SCAF11: variants seen among roughly 807,000 people sequenced by gnomAD.
The protein encoded by SCAF11 is SR-related CTD associated factor 11.
In SCAF11, 47 loss-of-function variants were observed where a neutral mutation model predicts 140.5. The ratio of observed to expected loss-of-function variants is 0.33; its 90% CI spans 0.26 to 0.43. SCAF11 has a LOEUF of 0.43. SCAF11 is among the 20% of genes least tolerant of loss of function. The pLI, the probability that SCAF11 is intolerant of heterozygous loss-of-function variation, is 1.00. For missense variants in SCAF11, 1,645 were observed against 1,705.1 expected, an observed-to-expected ratio of 0.96 and a Z score of 0.62; for synonymous variants, 557 against 579.4, an observed-to-expected ratio of 0.96 and a Z score of 0.55.
At chr12:45,961,512 C>G (rs986050646) in intron 3 of SCAF11, 188 bp downstream of exon 3, 1 of 585,384 alleles carries the variant, frequency 1.7e-6, no homozygotes, top group Admixed American at 3.3e-5. Flanking sequence ...ATATTATTTG[C>G]AAAATCAAAG....
intron 1 of SCAF11, among the ~76,000 whole-genome samples, chr12:45,966,356 C>G (rs1592211085): frequency 6.7e-6 from 1 of 150,062 alleles, no homozygotes; most frequent in African/African-American, 2.5e-5. Flanking sequence ...TTTTTTAGCT[C>G]CAAGATTTAT....
intron 1 of SCAF11, among the ~76,000 whole-genome samples, chr12:45,972,892 A>AGATATATATATATAGATATATATATC: frequency 6.7e-5 from 1 of 14,826 alleles, no homozygotes; most frequent in Admixed American, 6.9e-4. Flanking sequence ...ATATATATAT[A>AGATATATATATATAGATATATATATC]GATATATATA....
chr12:45,948,392 T>A (rs1392459297), intron 5 of SCAF11, 45 bp downstream of exon 5: 1 of 1,276,876 alleles, frequency 7.8e-7, no homozygotes, highest in Non-Finnish European at 1.1e-6. Context: ...CTAGTTAACT[T>A]CTGTTCCACT....
At chr12:45,971,899 C>T (rs1199704761) in intron 1 of SCAF11, among the ~76,000 whole-genome samples, 1 of 152,082 alleles carries the variant, frequency 6.6e-6, no homozygotes, top group African/African-American at 2.4e-5. Context: ...TTACTTGGAT[C>T]CAGACACAGT....
At chr12:45,966,329 T>C (rs1220428112) in intron 1 of SCAF11, among the ~76,000 whole-genome samples, 1 of 151,914 alleles carries the variant, frequency 6.6e-6, no homozygotes, top group Non-Finnish European at 1.5e-5. Context: ...CCCAGTGATC[T>C]TTTGTGGGAT....
chr12:45,924,112 A>T (rs2136495205), intron 12 of SCAF11, among the ~76,000 whole-genome samples: 1 of 152,332 alleles, frequency 6.6e-6, no homozygotes, highest in South Asian at 2.1e-4. Flanking sequence ...AGGTGCTGGG[A>T]TAACAGGCGT....
intron 1 of SCAF11, among the ~76,000 whole-genome samples, chr12:45,978,947 T>C (rs1383487780): frequency 6.6e-6 from 1 of 151,776 alleles, no homozygotes; most frequent in Non-Finnish European, 1.5e-5. Flanking sequence ...TTATAAAAAA[T>C]AGAAATTTCT....
chr12:45,964,191 A>G lies in SCAF11; in HGVS notation c.-21-3T>C, dbSNP rs1452509868. The stretch of plus-strand genomic sequence containing the variant: ...ATTTCTCTTTGGAAAAGGGTTTCCT[A>G]TAAGATAAATTATAATAGAGAATTT... On this transcript the variant is annotated splice_polypyrimidine_tract_variant and splice_region_variant and intron_variant, in intron 1 of 14. Coordinates refer to ENST00000369367, the MANE Select transcript of SCAF11 (RefSeq NM_004719.3). The G allele has an allele frequency of 2.2e-6, 3 of 1,341,920 alleles. No individual in the cohort carries two copies. The highest frequency in any genetic ancestry group is 3.2e-6 in the Non-Finnish European group (3 of 951,466). 83.1% of individuals were successfully genotyped at this position (1,341,920 alleles called of 1,614,324 possible). A position where few individuals can be genotyped will look rare whatever the true frequency, so the allele number is the denominator to read the frequency against.
chr12:45,963,458 A>G (rs1945870499), intron 2 of SCAF11, among the ~76,000 whole-genome samples: 2 of 142,086 alleles, frequency 1.4e-5, no homozygotes, highest in East Asian at 1.9e-4. Context: ...GTGCTAAGAG[A>G]AAAAAAAACT....
At position 45,940,862 on chromosome 12, in the gene SCAF11, G is replaced by A. The variant is rs1460535437; in HGVS notation, c.463+4387C>T. Among the ~76,000 whole-genome samples the A allele has an allele frequency of 3.9e-5, 6 of 152,098 alleles. No individual in the cohort carries two copies. The East Asian group carries it at 1.2e-3, about 29-fold the overall frequency. On this transcript the variant is annotated intron_variant, in intron 6 of 14. Transcript: ENST00000369367. The stretch of plus-strand genomic sequence containing the variant: ...CTGGCGCCCACGCTGGAGTGCAGTG[G>A]CATGATCATGACTCACCTGCAGCCT...
intron 1 of SCAF11, 67 bp from the exon 2 acceptor site, chr12:45,964,255 A>G: frequency 1.3e-6 from 1 of 760,378 alleles, no homozygotes; most frequent in South Asian, 1.7e-5. Context: ...TTAAAAAAAA[A>G]TCCTAAACTG....
chr12:45,935,074 A>C (rs1261513218), intron 6 of SCAF11: 2 of 152,308 alleles, frequency 1.3e-5, no homozygotes, highest in African/African-American at 2.4e-5. Flanking sequence ...TTTCTGTTAC[A>C]ACGTTGGTGG....
chr12:45,957,080 G>A (rs1038754400), intron 3 of SCAF11, among the ~76,000 whole-genome samples: 8 of 152,042 alleles, frequency 5.3e-5, no homozygotes, highest in African/African-American at 1.4e-4. Context: ...TTGCATAGGC[G>A]TAATAAATTT....
chr12:45,938,219 G>A (rs1404485870), intron 6 of SCAF11, among the ~76,000 whole-genome samples: 1 of 152,202 alleles, frequency 6.6e-6, no homozygotes. Flanking sequence ...GCCAGGCACA[G>A]TGGCTCACAA....
At chr12:45,955,961 G>C in intron 3 of SCAF11, 1 of 626,086 alleles carries the variant, frequency 1.6e-6, no homozygotes, top group Non-Finnish European at 2.9e-6. Flanking sequence ...TAAGGTTGTT[G>C]TATCAGTTAA....
intron 6 of SCAF11, among the ~76,000 whole-genome samples, chr12:45,936,393 C>T (rs140303235): frequency 0.018 from 2,758 of 152,260 alleles, 225 homozygotes; most frequent in Admixed American, 0.13. Context: ...CCACCCACTT[C>T]GGCCTCCCAA....
intron 1 of SCAF11, among the ~76,000 whole-genome samples, chr12:45,972,720 TAGAG>T (rs1175603203): frequency 6.7e-6 from 1 of 148,886 alleles, no homozygotes; most frequent in African/African-American, 2.5e-5. Flanking sequence ...TTACTTGGCA[TAGAG>T]AGAGGTGGGA....
At chr12:45,971,168 T>C (rs191184341) in intron 1 of SCAF11, among the ~76,000 whole-genome samples, 232 of 152,354 alleles carry the variant, frequency 1.5e-3, no homozygotes, top group African/African-American at 5.1e-3. Flanking sequence ...CTTCATTTAA[T>C]GTAGCATCAT....
intron 1 of SCAF11, among the ~76,000 whole-genome samples, chr12:45,986,717 T>C (rs889792709): frequency 6.6e-6 from 1 of 152,220 alleles, no homozygotes; most frequent in Non-Finnish European, 1.5e-5. Flanking sequence ...GGGAGATAAT[T>C]TGAATCATGG....
Sources: gnomAD v4.1 joint callset for allele counts (sites outside exome capture counted in the v4.1 genomes callset) on GRCh38, gnomAD v4.1.1 for gene constraint, MANE v1.5 for transcripts, NCBI Gene and HGNC (gene_info 2026-07-23, HGNC 2026-07-21) for gene names.